The following HMGXB4 variants were observed in gnomAD, a reference collection of about 807,000 sequenced individuals.
HMGXB4 encodes the protein HMG-box containing 4, also known as HMG domain-containing protein 4.
In HMGXB4, 27 loss-of-function variants were observed where a neutral mutation model predicts 63.9. The observed-to-expected ratio is 0.42, with a 90% CI of 0.31 to 0.58. HMGXB4 has a LOEUF of 0.58. Ranked by LOEUF, HMGXB4 falls within the 20% of genes least tolerant of loss-of-function variation. The pLI, the probability that HMGXB4 is intolerant of heterozygous loss-of-function variation, is 0.13. For missense variants in HMGXB4, 624 were observed against 700.7 expected, an observed-to-expected ratio of 0.89 and a Z score of 1.24; for synonymous variants, 264 against 265.3, an observed-to-expected ratio of 0.99 and a Z score of 0.05.
At chr22:35,246,306 G>A in the HMGXB4 span, among the ~76,000 whole-genome samples, 5 of 151,748 alleles carry the variant, frequency 3.3e-5, no homozygotes, top group African/African-American at 4.8e-5. Context: ...ATGGAGTCTC[G>A]CTCTGTCGCC....
At chr22:35,260,008 G>A (rs946871570) in intron 1 of HMGXB4, among the ~76,000 whole-genome samples, 11 of 152,126 alleles carry the variant, frequency 7.2e-5, no homozygotes, top group Admixed American at 6.5e-4. Context: ...ACGAGACCAC[G>A]ATACAGTCAT....
chr22:35,250,796 A>G, the HMGXB4 span, among the ~76,000 whole-genome samples: 1 of 152,062 alleles, frequency 6.6e-6, no homozygotes, highest in East Asian at 1.9e-4. Flanking sequence ...AGCATCTCTG[A>G]GCCTCTCTCT....
At chr22:35,260,986 A>G (rs995912399) in intron 1 of HMGXB4, among the ~76,000 whole-genome samples, 1 of 152,232 alleles carries the variant, frequency 6.6e-6, no homozygotes, top group African/African-American at 2.4e-5. Flanking sequence ...AAATACCCTT[A>G]TAATAATGAA....
chr22:35,267,931 T>G (rs1478018368), intron 5 of HMGXB4, among the ~76,000 whole-genome samples: 4 of 152,208 alleles, frequency 2.6e-5, no homozygotes, highest in Non-Finnish European at 2.9e-5. Flanking sequence ...TTAACCTGAG[T>G]TCAATATTTG....
Position 35,279,274 on chromosome 22 carries a change from G to A in HMGXB4, c.1216-4688G>A, listed in dbSNP as rs577093959. Among the ~76,000 whole-genome samples the A allele has an allele frequency of 6.7e-5, 10 of 148,822 alleles. No homozygotes were observed. The East Asian group carries it at 1.8e-3, about 27-fold the overall frequency. On this transcript the variant is annotated intron_variant, in intron 5 of 10. Coordinates refer to ENST00000216106, the MANE Select transcript of HMGXB4 (RefSeq NM_001003681.3). ...AGCAATTCTCCTGCCTCAGCCTCCC[G>A]AGTAGCTGCAATTACAGGCATGTGC...
chr22:35,287,287 C>CT, intron 7 of HMGXB4, 60 bp from the exon 8 acceptor site: 1 of 1,328,554 alleles, frequency 7.5e-7, no homozygotes, highest in Non-Finnish European at 1.1e-6. Flanking sequence ...TTCATGACTG[C>CT]TTTTCCTTTT....
chr22:35,243,739 T>G, the HMGXB4 span, among the ~76,000 whole-genome samples: 3 of 152,214 alleles, frequency 2.0e-5, no homozygotes, highest in Non-Finnish European at 2.9e-5. Context: ...AGACAGGGTT[T>G]CACCATGTTG....
chr22:35,256,553 G>C (rs112469170), upstream of HMGXB4, among the ~76,000 whole-genome samples: 1 of 152,142 alleles, frequency 6.6e-6, no homozygotes, highest in African/African-American at 2.4e-5. Flanking sequence ...AGGCTGGAGT[G>C]CAGTGGCGCA....
rs1923067589 is a variant in HMGXB4 at position 35,264,586 on chromosome 22, G to C, written c.260-62G>C. On this transcript the variant is annotated intron_variant, in intron 4 of 10. Transcript: ENST00000216106. ...TGTTAGCTAGGTGCTTTTGATGAGA[G>C]AGGAAACTTGTTAGAAGTTGCTTCC... 2.5e-6 allele frequency: 3 copies of C among 1,197,562 alleles called. No individual in the cohort carries two copies. In the South Asian group the frequency reaches 4.6e-5, roughly 18 times the overall value. The allele number at this position is 1,197,562 out of a possible 1,614,324, so 74.2% of individuals were successfully genotyped here.
chr22:35,270,559 C>G (rs1923545055), intron 5 of HMGXB4, among the ~76,000 whole-genome samples: 1 of 152,214 alleles, frequency 6.6e-6, no homozygotes, highest in Non-Finnish European at 1.5e-5. Context: ...GTACCCGGTG[C>G]CAAAAAGGTT....
At position 35,270,908 on chromosome 22, in the gene HMGXB4, A is replaced by G. The variant is rs182456315; in HGVS notation, c.1215+5305A>G. On this transcript the variant is annotated intron_variant, in intron 5 of 10. Coordinates refer to ENST00000216106, the MANE Select transcript of HMGXB4 (RefSeq NM_001003681.3). ...CCTGATTTGTGCATAAAAAATTCCTATAAAGCTTTTTAAAAATATATTTTC... is the reference window on the plus strand; with the variant it reads ...CCTGATTTGTGCATAAAAAATTCCTGTAAAGCTTTTTAAAAATATATTTTC... 2.0e-5 allele frequency among the ~76,000 whole-genome samples: 3 copies of G among 152,324 alleles called. No individual in the cohort carries two copies. The East Asian group carries it at 5.8e-4, about 29-fold the overall frequency.
At chr22:35,252,918 G>C (rs1325791020), upstream of HMGXB4, among the ~76,000 whole-genome samples, 1 of 152,142 alleles carries the variant, frequency 6.6e-6, no homozygotes, top group Non-Finnish European at 1.5e-5. Context: ...CGGATCACCT[G>C]AGATCAGAAG....
intron 3 of HMGXB4, 53 bp downstream of exon 3, chr22:35,263,279 G>T: frequency 1.4e-6 from 2 of 1,449,976 alleles, no homozygotes; most frequent in Non-Finnish European, 9.4e-7. Context: ...ATTTTTTTTT[G>T]GTGATGCAGA....
intron 9 of HMGXB4, among the ~76,000 whole-genome samples, chr22:35,290,643 A>AG (rs1924877966): frequency 6.6e-6 from 1 of 151,088 alleles, no homozygotes; most frequent in African/African-American, 2.4e-5. Context: ...AAAAAAAAAA[A>AG]AAAAAAAAAA....
upstream of HMGXB4, among the ~76,000 whole-genome samples, chr22:35,256,612 GC>G (rs1430727053): frequency 6.6e-6 from 1 of 152,160 alleles, no homozygotes; most frequent in East Asian, 1.9e-4. Context: ...CGATTCTCCT[GC>G]CTCAGCCTCC....
At chr22:35,252,324 T>A in the HMGXB4 span, among the ~76,000 whole-genome samples, 83 of 152,360 alleles carry the variant, frequency 5.4e-4, no homozygotes, top group Non-Finnish European at 1.0e-3. Context: ...CTAGAACATA[T>A]GCATCTTGCA....
At chr22:35,248,587 T>G in the HMGXB4 span, among the ~76,000 whole-genome samples, 1 of 151,952 alleles carries the variant, frequency 6.6e-6, no homozygotes, top group Non-Finnish European at 1.5e-5. Context: ...CATATTTTAG[T>G]AGAGACAGGG....
intron 5 of HMGXB4, among the ~76,000 whole-genome samples, chr22:35,283,617 C>T (rs898248752): frequency 6.6e-6 from 1 of 152,016 alleles, no homozygotes; most frequent in Non-Finnish European, 1.5e-5. Flanking sequence ...TGGTGAAACC[C>T]CATCTCTACT....
At chr22:35,275,852 G>A (rs1923884776) in intron 5 of HMGXB4, among the ~76,000 whole-genome samples, 1 of 152,166 alleles carries the variant, frequency 6.6e-6, no homozygotes, top group African/African-American at 2.4e-5. Context: ...GTAGTTAAGT[G>A]GACTTGTTGC....
Sources: gnomAD v4.1 joint callset for allele counts (sites outside exome capture counted in the v4.1 genomes callset) on GRCh38, gnomAD v4.1.1 for gene constraint, MANE v1.5 for transcripts, NCBI Gene and HGNC (gene_info 2026-07-23, HGNC 2026-07-21) for gene names.